The following PDS5A variants were observed in gnomAD, a reference collection of about 807,000 sequenced individuals.
The protein encoded by PDS5A is sister chromatid cohesion protein PDS5 homolog A.
PDS5A carries 42 observed loss-of-function variants against 167.1 expected under a neutral mutation model. That is an observed-to-expected ratio of 0.25 (90% CI 0.20 to 0.33). The LOEUF (loss-of-function observed/expected upper bound fraction) is 0.33, where lower values mean the gene tolerates loss of function less well. Among genes scored for constraint, PDS5A ranks in the 10% least tolerant of loss-of-function variants. The pLI is 1.00. For missense variants in PDS5A, 1,033 were observed against 1,605.9 expected, an observed-to-expected ratio of 0.64 and a Z score of 6.10; for synonymous variants, 553 against 554.6, an observed-to-expected ratio of 1.00 and a Z score of 0.04.
chr4:39,952,175 C>CA (rs1306978607), intron 2 of PDS5A, among the ~76,000 whole-genome samples: 2 of 151,598 alleles, frequency 1.3e-5, no homozygotes, highest in African/African-American at 4.8e-5. Context: ...ACTAAAAATA[C>CA]AAAAAAACAG....
chr4:39,934,531 G>A (rs778940733), intron 2 of PDS5A, among the ~76,000 whole-genome samples: 1 of 151,386 alleles, frequency 6.6e-6, no homozygotes, highest in Non-Finnish European at 1.5e-5. Flanking sequence ...TTCTTGGTAA[G>A]TCTGTGTGAA....
At chr4:39,942,284 T>C (rs1210695249) in intron 2 of PDS5A, among the ~76,000 whole-genome samples, 1 of 152,166 alleles carries the variant, frequency 6.6e-6, no homozygotes, top group Non-Finnish European at 1.5e-5. Flanking sequence ...TCCAAAAATA[T>C]CTTGAGCCTC....
chr4:39,852,101 C>G (rs1301216136), intron 26 of PDS5A, among the ~76,000 whole-genome samples: 1 of 152,080 alleles, frequency 6.6e-6, no homozygotes, highest in Non-Finnish European at 1.5e-5. Context: ...GATAAGAATG[C>G]CAATTCCACC....
chr4:39,888,940 C>T (rs187797205), intron 17 of PDS5A, among the ~76,000 whole-genome samples: 62 of 152,072 alleles, frequency 4.1e-4, no homozygotes, highest in African/African-American at 1.5e-3. Context: ...TGTATATCAC[C>T]AATACACTGA....
intron 16 of PDS5A, among the ~76,000 whole-genome samples, chr4:39,893,870 C>G (rs1722175639): frequency 6.6e-6 from 1 of 152,206 alleles, no homozygotes; most frequent in Non-Finnish European, 1.5e-5. Flanking sequence ...GTGCAGTATT[C>G]ATTTCTACCT....
Position 39,833,031 on chromosome 4 carries a change from T to A in PDS5A, c.4010+4825A>T, listed in dbSNP as rs181513448. Among the ~76,000 whole-genome samples, 1,021 of 142,152 alleles carry A rather than the reference T, an allele frequency of 7.2e-3. 6 individuals are homozygous for A. Among genetic ancestry groups the A allele is most frequent in the Middle Eastern group, 0.014 (4 of 278 alleles). The allele number at this position is 142,152 out of a possible 152,430, so 93.3% of individuals were successfully genotyped here. On this transcript the variant is annotated intron_variant, in intron 32 of 32. Transcript: ENST00000303538. ...AAAATAATAAATAAATAAATAAATA[T>A]ATATATAAAATTAGCTGGGTGTGGT...
intron 20 of PDS5A, among the ~76,000 whole-genome samples, 163 bp downstream of exon 20, chr4:39,874,126 G>T (rs980775382): frequency 1.1e-4 from 17 of 152,154 alleles, no homozygotes; most frequent in African/African-American, 4.1e-4. Flanking sequence ...GGCTGGGAAT[G>T]CAGTACCACA....
At chr4:39,851,018 T>C (rs1352806540) in intron 26 of PDS5A, among the ~76,000 whole-genome samples, 1 of 152,240 alleles carries the variant, frequency 6.6e-6, no homozygotes, top group Non-Finnish European at 1.5e-5. Context: ...GCATTAGTTT[T>C]TTAGCTTAAT....
chr4:39,962,337 T>TAA (rs1447531541), intron 2 of PDS5A, among the ~76,000 whole-genome samples: 1 of 152,040 alleles, frequency 6.6e-6, no homozygotes, highest in Non-Finnish European at 1.5e-5. Flanking sequence ...ATTACAGGCG[T>TAA]AAGCCACCGC....
At chr4:39,972,320 G>A (rs1314267133) in intron 2 of PDS5A, among the ~76,000 whole-genome samples, 3 of 152,146 alleles carry the variant, frequency 2.0e-5, no homozygotes, top group Admixed American at 2.0e-4. Context: ...AAGAGTTCGA[G>A]ACCAGCCTGA....
intron 6 of PDS5A, among the ~76,000 whole-genome samples, chr4:39,921,516 G>A (rs1470973997): frequency 2.7e-5 from 4 of 150,184 alleles, no homozygotes; most frequent in Non-Finnish European, 5.9e-5. Context: ...CGGGCAGATC[G>A]CTTGAGCCCA....
intron 2 of PDS5A, among the ~76,000 whole-genome samples, chr4:39,952,725 A>ATTTT (rs35943320): frequency 1.6e-4 from 20 of 128,256 alleles, no homozygotes; most frequent in African/African-American, 4.7e-4. Context: ...CAGATCTGGA[A>ATTTT]TTTTTTTTTT....
chr4:39,926,689 A>G, intron 4 of PDS5A, 86 bp downstream of exon 4: 2 of 913,300 alleles, frequency 2.2e-6, no homozygotes, highest in Non-Finnish European at 3.1e-6. Context: ...TAAAATAAAC[A>G]CTCATTTTAC....
At chr4:39,944,576 A>C (rs2732077) in intron 2 of PDS5A, among the ~76,000 whole-genome samples, 52,290 of 151,278 alleles carry the variant, frequency 0.35, 10,055 homozygotes, top group East Asian at 0.66. Context: ...TGCCTGTAAT[A>C]CCAGCTACTC....
chr4:39,924,394 G>C (rs186102071), intron 5 of PDS5A, among the ~76,000 whole-genome samples: 164 of 152,342 alleles, frequency 1.1e-3, no homozygotes, highest in Non-Finnish European at 5.1e-4. Context: ...TTTACTTTAA[G>C]GGCTTACTGC....
At chr4:39,863,532 T>C (rs1321253260) in intron 23 of PDS5A, 73 bp from the exon 24 acceptor site, 1 of 1,121,550 alleles carries the variant, frequency 8.9e-7, no homozygotes, top group Non-Finnish European at 1.3e-6. Context: ...TCGTCCCTTT[T>C]TGAATGTAAG....
intron 32 of PDS5A, among the ~76,000 whole-genome samples, chr4:39,835,777 C>A (rs745803412): frequency 1.3e-5 from 2 of 152,184 alleles, no homozygotes; most frequent in African/African-American, 2.4e-5. Context: ...CCTGCCTTGG[C>A]CTCCCAAAGT....
intron 12 of PDS5A, 85 bp from the exon 13 acceptor site, chr4:39,902,545 C>T (rs1382022197): frequency 3.8e-5 from 24 of 625,080 alleles, no homozygotes; most frequent in South Asian, 3.4e-4. Flanking sequence ...TTTTTGGAGA[C>T]AGGGTCTTGC....
At chr4:39,905,802 G>C (rs142419685) in intron 11 of PDS5A, among the ~76,000 whole-genome samples, 8 of 151,820 alleles carry the variant, frequency 5.3e-5, no homozygotes, top group African/African-American at 1.9e-4. Flanking sequence ...GATAGGGAGA[G>C]AGGCAGGGAG....
Sources: allele counts gnomAD v4.1 joint callset (sites outside exome capture counted in the v4.1 genomes callset), GRCh38; gene constraint gnomAD v4.1.1; transcripts MANE v1.5; gene names NCBI Gene and HGNC (gene_info 2026-07-23, HGNC 2026-07-21).